FLNB: variants seen among roughly 807,000 people sequenced by gnomAD.
The protein encoded by FLNB is filamin-B.
In FLNB, 111 loss-of-function variants were observed where a neutral mutation model predicts 250.6. The ratio of observed to expected loss-of-function variants is 0.44; its 90% confidence interval spans 0.38 to 0.52. FLNB has a LOEUF of 0.52. Ranked by LOEUF, FLNB falls within the 20% of genes least tolerant of loss-of-function variation. The pLI is 0.00. For synonymous variants in FLNB, 1,302 were observed against 1,372.1 expected (o/e 0.95, Z 1.13); for missense variants, 2,869 against 3,447.8 (o/e 0.83, Z 4.20).
intron 4 of FLNB, among the ~76,000 whole-genome samples, chr3:58,086,384 A>G (rs933957269): frequency 1.3e-5 from 2 of 152,166 alleles, no homozygotes; most frequent in African/African-American, 2.4e-5. Context: ...AGAAAAATAT[A>G]TGAAATAAAA....
At chr3:58,102,064 A>AC (rs2097252011) in intron 8 of FLNB, 139 bp from the exon 9 acceptor site, 2 of 837,236 alleles carry the variant, frequency 2.4e-6, no homozygotes, top group African/African-American at 3.4e-5. Flanking sequence ...CCTGAGTGGG[A>AC]CCCCTGGTCT....
At chr3:58,034,864 G>A (rs2097135862) in intron 1 of FLNB, among the ~76,000 whole-genome samples, 1 of 152,128 alleles carries the variant, frequency 6.6e-6, no homozygotes, top group Non-Finnish European at 1.5e-5. Context: ...ACCTCCCAGA[G>A]GAAGAAGGCG....
chr3:58,030,694 T>C (rs2097129614), intron 1 of FLNB, among the ~76,000 whole-genome samples: 1 of 152,080 alleles, frequency 6.6e-6, no homozygotes, highest in Admixed American at 6.6e-5. Flanking sequence ...GCCAGTATGG[T>C]GAAACCCCAT....
At chr3:58,080,945 C>T (rs2097208429) in intron 3 of FLNB, among the ~76,000 whole-genome samples, 1 of 151,682 alleles carries the variant, frequency 6.6e-6, no homozygotes, top group African/African-American at 2.4e-5. Flanking sequence ...AGGTGTCTGC[C>T]ACCACACTGG....
chr3:58,043,828 G>A (rs2097149696), intron 1 of FLNB, among the ~76,000 whole-genome samples: 1 of 152,160 alleles, frequency 6.6e-6, no homozygotes, highest in Non-Finnish European at 1.5e-5. Flanking sequence ...CCTGTCTCAT[G>A]CACCCACCCC....
chr3:58,094,922 T>G lies in FLNB; in HGVS notation c.874T>G (p.Phe292Val). 6.2e-7 allele frequency: 1 copy of G among 1,614,110 alleles called. No individual in the cohort carries two copies. Among genetic ancestry groups the G allele is most frequent in the Non-Finnish European group, 8.5e-7 (1 of 1,179,998 alleles). ...CGCCGGGCAAGGAGACGTGATGGTG[T>G]TTGTTGAGGACCCAGAAGGGAACAA... The part of the protein sequence containing the change: ...ISAGQGDVMV[F>V]VEDPEGNKEE... The change falls in exon 5 of 46, where the codon TTT (phenylalanine) becomes GTT (valine). Residue 292 changes from phenylalanine to valine, a missense_variant. Transcript: ENST00000295956.
chr3:58,134,582 A>G, intron 26 of FLNB, 34 bp from the exon 27 acceptor site: 3 of 1,612,858 alleles, frequency 1.9e-6, no homozygotes, highest in African/African-American at 2.7e-5. Context: ...ATGTATCTTT[A>G]TTGACTAGGG....
intron 44 of FLNB, 135 bp downstream of exon 44, chr3:58,168,793 G>A: frequency 1.4e-6 from 1 of 722,036 alleles, no homozygotes; most frequent in Non-Finnish European, 2.5e-6. Flanking sequence ...TAAATAGTAT[G>A]AGATGTCAGA....
At chr3:58,050,522 G>C (rs1482172705) in intron 1 of FLNB, among the ~76,000 whole-genome samples, 1 of 152,186 alleles carries the variant, frequency 6.6e-6, no homozygotes, top group East Asian at 1.9e-4. Flanking sequence ...ACTGGATTTT[G>C]TGGTTCAGAT....
chr3:58,135,521 A>G (rs145058615), intron 27 of FLNB, among the ~76,000 whole-genome samples: 40 of 152,354 alleles, frequency 2.6e-4, no homozygotes, highest in African/African-American at 9.1e-4. Flanking sequence ...AGTCCATCAT[A>G]GACTTCCATT....
chr3:58,012,527 C>T (rs371416371), intron 1 of FLNB, among the ~76,000 whole-genome samples: 16 of 152,252 alleles, frequency 1.1e-4, no homozygotes, highest in East Asian at 7.7e-4. Context: ...CCCTGCAACA[C>T]TAGGTTTGCA....
At chr3:58,080,524 T>C (rs1191154001) in intron 3 of FLNB, among the ~76,000 whole-genome samples, 1 of 150,104 alleles carries the variant, frequency 6.7e-6, no homozygotes, top group Non-Finnish European at 1.5e-5. Context: ...AGATGGAGTC[T>C]TGCTCTGTCA....
chr3:58,118,962 A>C lies in FLNB; in HGVS notation c.2836A>C (p.Lys946Gln). 6.2e-7 allele frequency: 1 copy of C among 1,614,052 alleles called. No homozygotes were observed. Among genetic ancestry groups the C allele is most frequent in the Non-Finnish European group, 8.5e-7 (1 of 1,179,894 alleles). Residue 946 changes from lysine (K) to glutamine (Q), a missense_variant, in exon 19 of 46, where the codon AAG becomes CAG. Lys to Gln is a moderately conservative substitution (Grantham distance 53). This residue lies in a region of FLNB where 1,348 missense variants were observed against 1,466.7 expected (regional missense o/e 0.92). Transcript: ENST00000295956. ...VGVAAPLDLS[K>Q]IKLNGLENRV... The stretch of plus-strand genomic sequence containing the variant: ...TGTTGCTGCACCGCTGGATCTGAGC[A>C]AGATAAAACTCAATGGGCTGGAAAA...
intron 1 of FLNB, among the ~76,000 whole-genome samples, chr3:58,046,137 G>T (rs529715891): frequency 6.6e-6 from 1 of 152,034 alleles, no homozygotes. Context: ...AGAGGGACAG[G>T]CCCTGATCAA....
chr3:58,148,476 C>G (rs1200112435), intron 35 of FLNB, 112 bp downstream of exon 35: 22 of 1,354,586 alleles, frequency 1.6e-5, no homozygotes, highest in Non-Finnish European at 2.2e-5. Flanking sequence ...ATGTGATAAA[C>G]CTGCTGGGTC....
chr3:58,108,469 C>T lies in FLNB; in HGVS notation c.1953C>T (p.Tyr651=), dbSNP rs754981255. The part of the protein sequence containing the change: ...GGYNPDLVRA[Y]GPGLEKSGCI... The stretch of plus-strand genomic sequence containing the variant: ...TGCCTTTGCTTCAGGTTCGAGCATA[C>T]GGGCCAGGTTTGGAGAAATCTGGAT... Residue 651 remains tyrosine, a synonymous_variant, in exon 13 of 46, where the codon TAC becomes TAT. Transcript: ENST00000295956. The T allele has an allele frequency of 2.9e-5, 46 of 1,611,894 alleles. 1 individual carries two copies. The highest frequency in any genetic ancestry group is 3.3e-5 in the South Asian group (3 of 91,012).
chr3:58,078,856 C>T (rs766711596), intron 3 of FLNB, 42 bp downstream of exon 3: 2 of 1,499,978 alleles, frequency 1.3e-6, no homozygotes, highest in Non-Finnish European at 1.8e-6. Context: ...TGCCCCCACC[C>T]ACTAGCTTGT....
At position 58,111,749 on chromosome 3, in the gene FLNB, T is replaced by C. The variant is rs756715459; in HGVS notation, c.2485-42T>C. On this transcript the variant is annotated intron_variant, in intron 16 of 45. Coordinates refer to ENST00000295956, the MANE Select transcript of FLNB (RefSeq NM_001457.4). ...TGAAGGCTCCCTGAGCTCTGGCTGT[T>C]GCTTCAGGGGCTTTCCTACTAAGAC... is the stretch of plus-strand genomic sequence containing the variant. 4 of 1,479,990 alleles carry C rather than the reference T, an allele frequency of 2.7e-6. No individual in the cohort carries two copies. The South Asian group carries it at 3.4e-5, about 13-fold the overall frequency. 91.7% of individuals were successfully genotyped at this position (1,479,990 alleles called of 1,614,324 possible).
intron 27 of FLNB, 71 bp from the exon 28 acceptor site, chr3:58,135,908 T>C (rs894917281): frequency 3.4e-6 from 5 of 1,483,918 alleles, no homozygotes; most frequent in Non-Finnish European, 4.7e-6. Flanking sequence ...TTGGAAAATA[T>C]GTCAGGGTTT....
Sources: gnomAD v4.1 joint callset for allele counts (sites outside exome capture counted in the v4.1 genomes callset) on GRCh38, gnomAD v4.1.1 for gene constraint, gnomAD v4.1.1 regional missense constraint, MANE v1.5 for transcripts, NCBI Gene and HGNC (gene_info 2026-07-23, HGNC 2026-07-21) for gene names.